RAD51C: variants seen among roughly 807,000 people sequenced by gnomAD.
RAD51C encodes the protein DNA repair protein RAD51 homolog 3.
Under a neutral mutation model 45.0 loss-of-function variants are expected in RAD51C, and 42 were observed. The observed-to-expected ratio is 0.93, with a 90% CI of 0.73 to 1.21. The LOEUF (loss-of-function observed/expected upper bound fraction) is 1.21, where lower values mean the gene tolerates loss of function less well. RAD51C is among the 50% of genes most tolerant of loss of function. The pLI is 0.00. For missense variants in RAD51C, 474 were observed against 452.2 expected, an observed-to-expected ratio of 1.05 and a Z score of -0.44; for synonymous variants, 172 against 159.8, an observed-to-expected ratio of 1.08 and a Z score of -0.58.
In RAD51C at chr17:58,724,113, A is replaced by G; in HGVS notation, c.965+13A>G. The G allele has an allele frequency of 6.2e-7, 1 of 1,601,050 alleles. No individual in the cohort carries two copies. Among genetic ancestry groups the G allele is most frequent in the Non-Finnish European group, 8.6e-7 (1 of 1,168,206 alleles). ...ACCGAAAGCAAAGGTCAGTACAGAA[A>G]CAAGTTAATAACTCCGAATATTGGG... On this transcript the variant is annotated intron_variant, in intron 7 of 8. Coordinates refer to ENST00000337432, the MANE Select transcript of RAD51C (RefSeq NM_058216.3).
At chr17:58,733,420 GA>G (rs1316515637) in intron 8 of RAD51C, among the ~76,000 whole-genome samples, 3 of 151,294 alleles carry the variant, frequency 2.0e-5, no homozygotes, top group South Asian at 2.1e-4. Context: ...CCTAGTTGGG[GA>G]AAAAAAAGAG....
At position 58,692,643 on chromosome 17, in the gene RAD51C, G is replaced by T. The variant is rs750045091; in HGVS notation, c.-1G>T. Reference sequence around the variant, plus strand: ...CTCCGGGGTTAGCAGGTGAGCCTGCGATGCGCGGGAAGACGTTCCGCTTTG... The same window carrying T: ...CTCCGGGGTTAGCAGGTGAGCCTGCTATGCGCGGGAAGACGTTCCGCTTTG... On this transcript the variant is annotated 5_prime_UTR_variant, in exon 1 of 9. Coordinates refer to ENST00000337432, the MANE Select transcript of RAD51C (RefSeq NM_058216.3). 13 of 1,614,146 alleles carry T rather than the reference G, an allele frequency of 8.1e-6. No individual in the cohort carries two copies. Among genetic ancestry groups the T allele is most frequent in the Admixed American group, 1.7e-5 (1 of 60,032 alleles).
intron 7 of RAD51C, among the ~76,000 whole-genome samples, chr17:58,729,352 G>A (rs2049311782): frequency 6.6e-6 from 1 of 151,950 alleles, no homozygotes; most frequent in Non-Finnish European, 1.5e-5. Flanking sequence ...CGAGTAGCTG[G>A]GATTACAGGC....
At chr17:58,727,387 G>A (rs1411797753) in intron 7 of RAD51C, among the ~76,000 whole-genome samples, 1 of 152,010 alleles carries the variant, frequency 6.6e-6, no homozygotes, top group Admixed American at 6.6e-5. Flanking sequence ...GCCTCTCAAA[G>A]TGCTGGGATT....
intron 1 of RAD51C, chr17:58,694,431 T>A (rs1297699467): frequency 6.0e-6 from 1 of 165,432 alleles, no homozygotes; most frequent in Non-Finnish European, 1.3e-5. Flanking sequence ...AGGTAATAGG[T>A]AATTCTTTAT....
intron 4 of RAD51C, among the ~76,000 whole-genome samples, chr17:58,707,739 A>G (rs893498114): frequency 2.0e-5 from 3 of 152,180 alleles, no homozygotes; most frequent in African/African-American, 7.2e-5. Flanking sequence ...TGCCATAACA[A>G]AAATACTATA....
intron 5 of RAD51C, among the ~76,000 whole-genome samples, chr17:58,718,215 C>T (rs1339769379): frequency 6.6e-6 from 1 of 152,038 alleles, no homozygotes; most frequent in Non-Finnish European, 1.5e-5. Flanking sequence ...CCTGGCTGGT[C>T]TCGAACTCCT....
intron 5 of RAD51C, among the ~76,000 whole-genome samples, chr17:58,715,970 T>C (rs2048718006): frequency 6.6e-6 from 1 of 151,952 alleles, no homozygotes; most frequent in Non-Finnish European, 1.5e-5. Flanking sequence ...CCAAGCGTGG[T>C]GGGGGACACC....
At position 58,692,778 on chromosome 17, in the gene RAD51C, G is replaced by C. The variant is rs371608994; in HGVS notation, c.135G>C (p.Glu45Asp). 3 of 1,614,108 alleles carry C rather than the reference G, an allele frequency of 1.9e-6. No individual in the cohort carries two copies. The African/African-American group carries it at 4.0e-5, about 22-fold the overall frequency. Reference protein sequence around the residue: ...AEELLEVKPSELSKEVGISKA... With the variant: ...AEELLEVKPSDLSKEVGISKA... ...AACTCCTAGAGGTGAAACCCTCCGAGCTTAGCAAAGGTAACGACTCCTGAT... is the reference window on the plus strand; with the variant it reads ...AACTCCTAGAGGTGAAACCCTCCGACCTTAGCAAAGGTAACGACTCCTGAT... The change falls in exon 1 of 9, where the codon GAG (glutamate) becomes GAC (aspartate). Residue 45 changes from glutamate (E) to aspartate (D), a missense_variant. Coordinates refer to ENST00000337432, the MANE Select transcript of RAD51C (RefSeq NM_058216.3).
rs2049573383 is a variant in RAD51C at position 58,734,393 on chromosome 17, AAGCAGT to A, written c.*173_*178del. ...ATATGATTCTGTGAAAGTTTTTCTA[AAGCAGT>A]ATTCTGCAATTATATTTTACCCTGT... On this transcript the variant is annotated 3_prime_UTR_variant, in exon 9 of 9. Transcript: ENST00000337432. 1.7e-6 allele frequency: 2 copies of A among 1,163,384 alleles called. No homozygotes were observed. The highest frequency in any genetic ancestry group is 3.1e-5 in the African/African-American group (2 of 64,382). The allele number at this position is 1,163,384 out of a possible 1,614,324, so 72.1% of individuals were successfully genotyped here.
At position 58,701,574 on chromosome 17, in the gene RAD51C, C is replaced by CT. The variant is rs531420773; in HGVS notation, c.572-1610dup. Among the ~76,000 whole-genome samples the CT allele has an allele frequency of 6.6e-3, 942 of 143,162 alleles. 4 individuals are homozygous for CT. The highest frequency in any genetic ancestry group is 7.9e-3 in the Non-Finnish European group (517 of 65,052). The allele number at this position is 143,162 out of a possible 152,430, so 93.9% of individuals were successfully genotyped here. On this transcript the variant is annotated intron_variant, in intron 3 of 8. Transcript: ENST00000337432. The stretch of plus-strand genomic sequence containing the variant: ...TCTCTGAAATATGTGCAAAATCAAA[C>CT]TTTTTTTTTTTTCTGAGACAGAGTC...
rs1388636466 is a variant in RAD51C at position 58,703,278 on chromosome 17, G to A, written c.654G>A (p.Glu218=). The part of the protein sequence containing the change: ...IYYFRCRDYT[E]LLAQVYLLPD... ...ATTTTCGCTGTCGTGACTACACAGAGTTACTGGCACAAGTTTATCTTCTTC... is the reference window on the plus strand; with the variant it reads ...ATTTTCGCTGTCGTGACTACACAGAATTACTGGCACAAGTTTATCTTCTTC... The change falls in exon 4 of 9, where the codon GAG becomes GAA. Residue 218 remains glutamate (E), a synonymous_variant. Coordinates refer to ENST00000337432, the MANE Select transcript of RAD51C (RefSeq NM_058216.3). 3 of 1,610,200 alleles carry A rather than the reference G, an allele frequency of 1.9e-6. No individual in the cohort carries two copies. Among genetic ancestry groups the A allele is most frequent in the African/African-American group, 2.7e-5 (2 of 74,844 alleles).
chr17:58,722,598 T>A (rs1221477797), intron 6 of RAD51C, among the ~76,000 whole-genome samples: 1 of 152,232 alleles, frequency 6.6e-6, no homozygotes, highest in East Asian at 1.9e-4. Context: ...TGTTTGCTAG[T>A]ATGATAGGTC....
chr17:58,715,188 A>G (rs1307971286), intron 5 of RAD51C, among the ~76,000 whole-genome samples: 1 of 151,874 alleles, frequency 6.6e-6, no homozygotes, highest in Non-Finnish European at 1.5e-5. Context: ...GCAATAGCTC[A>G]CCCCTGTAAT....
chr17:58,703,128 AT>A, intron 3 of RAD51C, 67 bp from the exon 4 acceptor site: 1 of 1,527,106 alleles, frequency 6.5e-7, no homozygotes, highest in Non-Finnish European at 9.0e-7. Context: ...ATTAAAAAGC[AT>A]TGTTTTTCTA....
Position 58,734,562 on chromosome 17 carries a change from G to T in RAD51C, c.*340G>T. Reference sequence around the variant, plus strand: ...TTCCCAGTTGCCTATAAAATCTTAGGAAGAAACATATCATATTCTTATTGT... The same window carrying T: ...TTCCCAGTTGCCTATAAAATCTTAGTAAGAAACATATCATATTCTTATTGT... On this transcript the variant is annotated 3_prime_UTR_variant, in exon 9 of 9. Transcript: ENST00000337432. The T allele has an allele frequency of 3.3e-6, 1 of 299,088 alleles. No individual in the cohort carries two copies. Among genetic ancestry groups the T allele is most frequent in the Non-Finnish European group, 6.2e-6 (1 of 160,146 alleles). 18.5% of individuals were successfully genotyped at this position (299,088 alleles called of 1,614,324 possible). A position where few individuals can be genotyped will look rare whatever the true frequency, so the allele number is the denominator to read the frequency against.
chr17:58,713,357 A>G lies in RAD51C; in HGVS notation c.837+3367A>G, dbSNP rs889476403. The stretch of plus-strand genomic sequence containing the variant: ...TATTTGTTTTTGGGTTTTCTTTTTT[A>G]TGAGACAGGGTCTCGCTCTGTCATC... On this transcript the variant is annotated intron_variant, in intron 5 of 8. Coordinates refer to ENST00000337432, the MANE Select transcript of RAD51C (RefSeq NM_058216.3). Among the ~76,000 whole-genome samples the G allele has an allele frequency of 2.6e-5, 4 of 151,416 alleles. No individual in the cohort carries two copies. In the Admixed American group the frequency reaches 2.6e-4, roughly 10 times the overall value.
At chr17:58,709,313 G>A (rs187661031) in intron 4 of RAD51C, among the ~76,000 whole-genome samples, 8 of 151,776 alleles carry the variant, frequency 5.3e-5, no homozygotes, top group Non-Finnish European at 7.4e-5. Context: ...TCCTGACCTC[G>A]TGATCCACCT....
chr17:58,707,296 A>C (rs2048407065), intron 4 of RAD51C, among the ~76,000 whole-genome samples: 1 of 152,122 alleles, frequency 6.6e-6, no homozygotes, highest in Admixed American at 6.6e-5. Context: ...AGGTGGGCGG[A>C]TTGCCTGAGG....
Sources: allele counts gnomAD v4.1 joint callset (sites outside exome capture counted in the v4.1 genomes callset), GRCh38; gene constraint gnomAD v4.1.1; transcripts MANE v1.5; gene names NCBI Gene and HGNC (gene_info 2026-07-23, HGNC 2026-07-21).